DLC1: variants seen among roughly 807,000 people sequenced by gnomAD.
The protein encoded by DLC1 is DLC1 Rho GTPase activating protein.
DLC1 carries 54 observed loss-of-function variants against 140.3 expected under a neutral mutation model. The ratio of observed to expected loss-of-function variants is 0.38; its 90% confidence interval spans 0.31 to 0.48. The LOEUF (loss-of-function observed/expected upper bound fraction) is 0.48. Ranked by LOEUF, DLC1 falls within the 20% of genes least tolerant of loss-of-function variation. DLC1 has a pLI of 0.96. For missense variants in DLC1, 2,536 were observed against 1,907.0 expected (o/e 1.33, Z -6.14); for synonymous variants, 986 against 728.1 (o/e 1.35, Z -5.70).
At chr8:13,516,595 T>C (rs923022566), upstream of DLC1, among the ~76,000 whole-genome samples, 2 of 152,190 alleles carry the variant, frequency 1.3e-5, no homozygotes, top group African/African-American at 4.8e-5. Flanking sequence ...AGATGAGAAG[T>C]AGTCAAATAA....
intron 15 of DLC1, among the ~76,000 whole-genome samples, chr8:13,089,201 G>A (rs977734306): frequency 6.6e-6 from 1 of 151,738 alleles, no homozygotes; most frequent in African/African-American, 2.4e-5. Flanking sequence ...ACTTTGCAGT[G>A]AGCTGAGATC....
intron 4 of DLC1, among the ~76,000 whole-genome samples, chr8:13,391,581 T>C (rs895481713): frequency 1.3e-5 from 2 of 152,180 alleles, no homozygotes; most frequent in Admixed American, 6.5e-5. Context: ...TGAGTTTATG[T>C]TTCTCATAAA....
At chr8:13,379,786 TA>T (rs1371701568) in intron 4 of DLC1, among the ~76,000 whole-genome samples, 1 of 152,204 alleles carries the variant, frequency 6.6e-6, no homozygotes, top group African/African-American at 2.4e-5. Flanking sequence ...GTATTTGTCC[TA>T]ACACTTACCA....
Position 13,428,188 on chromosome 8 carries a change from G to A in DLC1, c.1024-26569C>T. Among the ~76,000 whole-genome samples the A allele has an allele frequency of 2.6e-5, 4 of 152,248 alleles. 1 individual carries two copies. The Middle Eastern group carries it at 0.014, about 518-fold the overall frequency. ...GCAAAAGAGAACAGAGGAATGGGAG[G>A]TGCAGGTACCTTCACTGGGTCCACA... On this transcript the variant is annotated intron_variant, in intron 2 of 17. Coordinates refer to ENST00000276297, the MANE Select transcript of DLC1 (RefSeq NM_182643.3).
chr8:13,587,605 A>C (rs1236883449), intron 1 of DLC1, among the ~76,000 whole-genome samples: 3 of 9,118 alleles, frequency 3.3e-4, no homozygotes, highest in East Asian at 2.1e-3. Context: ...TACATTGCAT[A>C]TATATATATA....
rs558765048 is a variant in DLC1 at position 13,528,956 on chromosome 8, A to G, written c.-125-28760T>C. ...GAAGACTGTTCTATCACCACCATGC[A>G]TGCTTGAACACTGTCCTTAGCTTAT... On this transcript the variant is annotated intron_variant, in intron 1 of 1. Coordinates refer to the DLC1 transcript ENST00000631382. Among the ~76,000 whole-genome samples the G allele has an allele frequency of 4.6e-5, 7 of 152,292 alleles. No homozygotes were observed. In the South Asian group the frequency reaches 1.5e-3, roughly 32 times the overall value.
chr8:13,435,892 T>G (rs983130838), intron 2 of DLC1, among the ~76,000 whole-genome samples: 7 of 152,178 alleles, frequency 4.6e-5, no homozygotes, highest in Non-Finnish European at 1.0e-4. Context: ...TTTAAGAAAT[T>G]GCCATGGCCA....
intron 2 of DLC1, among the ~76,000 whole-genome samples, chr8:13,468,999 T>G (rs1315891766): frequency 6.6e-6 from 1 of 151,864 alleles, no homozygotes; most frequent in Non-Finnish European, 1.5e-5. Context: ...TTTTGTAATT[T>G]TAGTGGAGAT....
intron 5 of DLC1, among the ~76,000 whole-genome samples, chr8:13,173,368 CTTTTTT>C (rs35778236): frequency 1.9e-5 from 2 of 103,528 alleles, no homozygotes; most frequent in East Asian, 3.1e-4. Context: ...GTTCTGCCCT[CTTTTTT>C]TTTTTTTTTT....
intron 2 of DLC1, among the ~76,000 whole-genome samples, chr8:13,466,215 T>C (rs997564790): frequency 6.6e-6 from 1 of 152,196 alleles, no homozygotes; most frequent in Admixed American, 6.5e-5. Context: ...AAGGCCATCA[T>C]CCACAGGTCA....
At chr8:13,352,068 T>C (rs1313112370) in intron 4 of DLC1, among the ~76,000 whole-genome samples, 1 of 152,216 alleles carries the variant, frequency 6.6e-6, no homozygotes, top group African/African-American at 2.4e-5. Flanking sequence ...TTATGTCTTG[T>C]TTACATTCAT....
intron 2 of DLC1, among the ~76,000 whole-genome samples, chr8:13,440,655 T>G (rs1798465449): frequency 1.3e-5 from 2 of 152,118 alleles, no homozygotes; most frequent in African/African-American, 4.8e-5. Context: ...TCAACTTGAA[T>G]TATTTCTCCC....
intron 5 of DLC1, among the ~76,000 whole-genome samples, chr8:13,230,368 C>G (rs530541662): frequency 2.0e-5 from 3 of 152,186 alleles, no homozygotes; most frequent in Non-Finnish European, 4.4e-5. Flanking sequence ...TAGTTTATTA[C>G]ACCTTTTCCC....
At position 13,328,151 on chromosome 8, in the gene DLC1, A is replaced by G. The variant is rs189016832; in HGVS notation, c.1315-22849T>C. On this transcript the variant is annotated intron_variant, in intron 4 of 17. Coordinates refer to ENST00000276297, the MANE Select transcript of DLC1 (RefSeq NM_182643.3). Reference sequence around the variant, plus strand: ...TGATGCTAATAAGCACTGAGCACCTATACGTGGGTTTTAAGTAGATAAATG... The same window carrying G: ...TGATGCTAATAAGCACTGAGCACCTGTACGTGGGTTTTAAGTAGATAAATG... Among the ~76,000 whole-genome samples, 707 of 152,252 alleles carry G rather than the reference A, an allele frequency of 4.6e-3. 8 individuals carry two copies. The highest frequency in any genetic ancestry group is 0.017 in the African/African-American group (691 of 41,536).
chr8:13,090,474 T>G lies in DLC1; in HGVS notation c.3856-4A>C, dbSNP rs763716217. 6.2e-7 allele frequency: 1 copy of G among 1,613,502 alleles called. No individual in the cohort carries two copies. Among genetic ancestry groups the G allele is most frequent in the Non-Finnish European group, 8.5e-7 (1 of 1,180,002 alleles). The stretch of plus-strand genomic sequence containing the variant: ...ATCGGCTCATTTCCTCGGGAACCTG[T>G]GCGGAACATGACAGACAGAAAGGAG... On this transcript the variant is annotated splice_region_variant and splice_polypyrimidine_tract_variant and intron_variant, in intron 14 of 17. Coordinates refer to ENST00000276297, the MANE Select transcript of DLC1 (RefSeq NM_182643.3).
At chr8:13,356,926 A>G (rs557050009) in intron 4 of DLC1, among the ~76,000 whole-genome samples, 1 of 151,900 alleles carries the variant, frequency 6.6e-6, no homozygotes, top group Non-Finnish European at 1.5e-5. Context: ...GGTTGCAGAA[A>G]GTCTTGTAGG....
At chr8:13,110,677 C>A in intron 7 of DLC1, 65 bp downstream of exon 7, 2 of 1,467,978 alleles carry the variant, frequency 1.4e-6, no homozygotes, top group Middle Eastern at 1.8e-4. Flanking sequence ...CAAAGCCTAT[C>A]TTTGTGAGAA....
chr8:13,487,726 C>G (rs969351245), intron 2 of DLC1, among the ~76,000 whole-genome samples: 4 of 152,078 alleles, frequency 2.6e-5, no homozygotes, highest in Admixed American at 1.3e-4. Context: ...GTGCCCACCA[C>G]CATGTCCGGC....
rs115490121 is a variant in DLC1 at position 13,258,000 on chromosome 8, C to T, written c.1348+47269G>A. ...ATAAAATACATGTAAGTACCAACAG[C>T]GGACTTCTCCAAGGCTATAAAGTAG... On this transcript the variant is annotated intron_variant, in intron 5 of 17. Coordinates refer to ENST00000276297, the MANE Select transcript of DLC1 (RefSeq NM_182643.3). 3.1e-3 allele frequency among the ~76,000 whole-genome samples: 469 copies of T among 152,324 alleles called. 2 individuals are homozygous for T. Among genetic ancestry groups the T allele is most frequent in the African/African-American group, 0.011 (443 of 41,568 alleles).
Sources: gnomAD v4.1 joint callset for allele counts (sites outside exome capture counted in the v4.1 genomes callset) on GRCh38, gnomAD v4.1.1 for gene constraint, MANE v1.5 for transcripts, NCBI Gene and HGNC (gene_info 2026-07-23, HGNC 2026-07-21) for gene names.